The following CUX1 variants were observed in gnomAD, a reference collection of about 807,000 sequenced individuals.
CUX1 encodes the protein protein CASP.
CUX1 carries 31 observed loss-of-function variants against 158.8 expected under a neutral mutation model. The observed-to-expected ratio is 0.20, with a 90% confidence interval of 0.15 to 0.26. CUX1 has a LOEUF of 0.26. Ranked by LOEUF, CUX1 falls within the 10% of genes least tolerant of loss-of-function variation. CUX1 has a pLI of 1.00. For missense variants in CUX1, 1,589 were observed against 2,014.6 expected, an observed-to-expected ratio of 0.79 and a Z score of 4.04; for synonymous variants, 879 against 862.1, an observed-to-expected ratio of 1.02 and a Z score of -0.34.
At chr7:102,142,474 C>T (rs1438455479) in intron 8 of CUX1, among the ~76,000 whole-genome samples, 4 of 152,126 alleles carry the variant, frequency 2.6e-5, no homozygotes, top group African/African-American at 9.7e-5. Context: ...AAGTCTGAAA[C>T]TAGGGCCAGG....
chr7:102,029,335 T>C (rs1319950786), intron 3 of CUX1, among the ~76,000 whole-genome samples: 1 of 151,814 alleles, frequency 6.6e-6, no homozygotes, highest in Non-Finnish European at 1.5e-5. Flanking sequence ...AGGGAACACA[T>C]GGGGGAAGGG....
intron 11 of CUX1, 72 bp from the exon 12 acceptor site, chr7:102,189,741 T>C: frequency 1.3e-6 from 2 of 1,531,618 alleles, no homozygotes; most frequent in South Asian, 2.2e-5. Context: ...TGTTCCGCAG[T>C]GAATGCCGTC....
rs548907747 is a variant in CUX1, at chr7:102,145,669, G to A, written c.675-12891G>A. Among the ~76,000 whole-genome samples the A allele has an allele frequency of 1.5e-4, 23 of 152,196 alleles. No individual in the cohort carries two copies. In the East Asian group the frequency reaches 2.9e-3, roughly 19 times the overall value. ...ACAACTAAAAGACAATGGGAGGGCC[G>A]GGCGCGGTGGCTCACGCCTGTAATC... On this transcript the variant is annotated intron_variant, in intron 8 of 23. Coordinates refer to ENST00000292535, the MANE Select transcript of CUX1 (RefSeq NM_181552.4).
At chr7:101,937,885 G>T (rs1396051889) in intron 2 of CUX1, among the ~76,000 whole-genome samples, 1 of 152,118 alleles carries the variant, frequency 6.6e-6, no homozygotes, top group African/African-American at 2.4e-5. Flanking sequence ...TGTGAGTTCA[G>T]CAGACACCAA....
chr7:102,250,003 A>C lies in CUX1; in HGVS notation c.*961A>C, dbSNP rs898461409. 1.0e-6 allele frequency: 1 copy of C among 985,350 alleles called. No individual in the cohort carries two copies. The highest frequency in any genetic ancestry group is 1.2e-6 in the Non-Finnish European group (1 of 829,836). The allele number at this position is 985,350 out of a possible 1,614,324, so 61.0% of individuals were successfully genotyped here. A position where few individuals can be genotyped will look rare whatever the true frequency, so the allele number is the denominator to read the frequency against. ...TAACTGACCCTGGGTTTTGCAGACC[A>C]GGGTTTGTTTAATACACTCCATTCT... On this transcript the variant is annotated 3_prime_UTR_variant, in exon 24 of 24. Transcript: ENST00000292535.
intron 1 of CUX1, among the ~76,000 whole-genome samples, chr7:101,862,365 C>T (rs1238935345): frequency 1.3e-5 from 2 of 151,962 alleles, no homozygotes; most frequent in Non-Finnish European, 2.9e-5. Flanking sequence ...TGTGTGTTGT[C>T]GTAGGCGGGA....
chr7:101,946,907 A>G (rs1466955229), intron 2 of CUX1, among the ~76,000 whole-genome samples: 1 of 152,078 alleles, frequency 6.6e-6, no homozygotes, highest in Non-Finnish European at 1.5e-5. Context: ...GCACCCCTGA[A>G]CCAGTCTCTC....
At chr7:102,155,451 C>T (rs1184010904) in intron 8 of CUX1, among the ~76,000 whole-genome samples, 2 of 150,934 alleles carry the variant, frequency 1.3e-5, no homozygotes, top group Admixed American at 6.6e-5. Flanking sequence ...GAGGCTGAAG[C>T]GGGAGGACTG....
chr7:102,052,823 T>G (rs12113693), intron 3 of CUX1, among the ~76,000 whole-genome samples: 10,372 of 152,210 alleles, frequency 0.068, 552 homozygotes, highest in African/African-American at 0.15. Flanking sequence ...ATCTTTTTTT[T>G]GGGAGACAGG....
At chr7:102,221,032 G>A (rs1554526759) in intron 20 of CUX1, among the ~76,000 whole-genome samples, 1 of 151,962 alleles carries the variant, frequency 6.6e-6, no homozygotes, top group East Asian at 1.9e-4. Context: ...CACACTTAAT[G>A]TGCCAGGCCA....
At chr7:102,194,752 G>A (rs1794618692) in intron 13 of CUX1, among the ~76,000 whole-genome samples, 1 of 152,018 alleles carries the variant, frequency 6.6e-6, no homozygotes, top group African/African-American at 2.4e-5. Context: ...ACCAAGCATG[G>A]TGGCTCACTC....
At chr7:101,969,193 A>G (rs1321432515) in intron 2 of CUX1, among the ~76,000 whole-genome samples, 1 of 151,426 alleles carries the variant, frequency 6.6e-6, no homozygotes, top group Non-Finnish European at 1.5e-5. Flanking sequence ...AAATTAGCTG[A>G]GCGTGGTGGC....
At chr7:102,216,526 T>C (rs71540930) in intron 20 of CUX1, among the ~76,000 whole-genome samples, 2 of 83,654 alleles carry the variant, frequency 2.4e-5, no homozygotes, top group African/African-American at 6.4e-5. Context: ...ACACACACAC[T>C]CTCCCCCCCA....
At chr7:102,150,130 G>A (rs1301787196) in intron 8 of CUX1, among the ~76,000 whole-genome samples, 2 of 152,032 alleles carry the variant, frequency 1.3e-5, no homozygotes, top group Non-Finnish European at 2.9e-5. Context: ...GAGACTATTG[G>A]TGGGTTTTTT....
Position 102,250,940 on chromosome 7 carries a change from AAACT to A in CUX1, c.*1902_*1905del. The A allele has an allele frequency of 1.0e-6, 1 of 976,186 alleles. No individual in the cohort carries two copies. Among genetic ancestry groups the A allele is most frequent in the Non-Finnish European group, 1.2e-6 (1 of 821,602 alleles). 60.5% of individuals were successfully genotyped at this position (976,186 alleles called of 1,614,324 possible). Reference sequence around the variant, plus strand: ...TAGACTTCTTTATTGCCATATCTTTAAACTAACAATAGATGATTTCGGTATATAT... The same window carrying A: ...TAGACTTCTTTATTGCCATATCTTTAAACAATAGATGATTTCGGTATATAT... On this transcript the variant is annotated 3_prime_UTR_variant, in exon 24 of 24. Coordinates refer to ENST00000292535, the MANE Select transcript of CUX1 (RefSeq NM_181552.4).
In CUX1 at chr7:102,205,145, G is replaced by A. The variant is rs782753046; in HGVS notation, c.3105G>A (p.Pro1035=). 106 of 1,611,482 alleles carry A rather than the reference G, an allele frequency of 6.6e-5. No individual in the cohort carries two copies. The highest frequency in any genetic ancestry group is 8.8e-5 in the Non-Finnish European group (104 of 1,178,548). ...ACTCCGTGACATCGCTCCAGGACCCGCTGCAGCAGGGCTGTGTGAGCTCAG... is the reference window on the plus strand; with the variant it reads ...ACTCCGTGACATCGCTCCAGGACCCACTGCAGCAGGGCTGTGTGAGCTCAG... ...VLHSVTSLQD[P]LQQGCVSSES... Residue 1035 remains proline (P), a synonymous_variant, in exon 20 of 24, where the codon CCG becomes CCA. Transcript: ENST00000292535.
chr7:102,118,628 C>A (rs535197313), intron 8 of CUX1, among the ~76,000 whole-genome samples: 4 of 152,178 alleles, frequency 2.6e-5, no homozygotes, highest in Non-Finnish European at 5.9e-5. Context: ...GGGATTGATT[C>A]ACTAGGGTCC....
intron 4 of CUX1, among the ~76,000 whole-genome samples, chr7:102,088,531 G>A (rs1828185186): frequency 6.6e-6 from 1 of 152,082 alleles, no homozygotes; most frequent in African/African-American, 2.4e-5. Context: ...CTACTCGGGA[G>A]GCTGAGGCAG....
At chr7:102,106,677 A>C (rs1830394574) in intron 6 of CUX1, among the ~76,000 whole-genome samples, 1 of 152,158 alleles carries the variant, frequency 6.6e-6, no homozygotes, top group African/African-American at 2.4e-5. Context: ...TGAGTACAAA[A>C]TATGAGTACA....
Sources: gnomAD v4.1 joint callset for allele counts (sites outside exome capture counted in the v4.1 genomes callset) on GRCh38, gnomAD v4.1.1 for gene constraint, MANE v1.5 for transcripts, NCBI Gene and HGNC (gene_info 2026-07-23, HGNC 2026-07-21) for gene names.